The following SERGEF variants were observed in gnomAD, a reference collection of about 807,000 sequenced individuals.
SERGEF encodes secretion-regulating guanine nucleotide exchange factor.
In SERGEF, 51 loss-of-function variants were observed where a neutral mutation model predicts 50.0. The ratio of observed to expected loss-of-function variants is 1.02; its 90% CI spans 0.81 to 1.29. The LOEUF (loss-of-function observed/expected upper bound fraction) is 1.29. Among genes scored for constraint, SERGEF ranks in the 50% most tolerant of loss-of-function variants. The probability of loss-of-function intolerance (pLI) is 0.00; values close to 1 mark genes in which losing one functional copy is unlikely to be tolerated. For missense variants in SERGEF, 521 were observed against 557.0 expected (o/e 0.94, Z 0.65); for synonymous variants, 205 against 212.4 (o/e 0.97, Z 0.30).
intron 10 of SERGEF, chr11:17,854,766 T>C (rs1035481300): frequency 6.6e-6 from 1 of 152,240 alleles, no homozygotes; most frequent in African/African-American, 2.4e-5. Flanking sequence ...AATTCTTATT[T>C]TAGTAGAATA....
At chr11:17,860,011 A>G (rs1288904859) in intron 10 of SERGEF, among the ~76,000 whole-genome samples, 1 of 152,228 alleles carries the variant, frequency 6.6e-6, no homozygotes, top group Admixed American at 6.5e-5. Flanking sequence ...GGGAAATGGT[A>G]TAGAGAAGTC....
intron 10 of SERGEF, among the ~76,000 whole-genome samples, chr11:17,873,275 T>C (rs513010): frequency 0.42 from 63,542 of 151,914 alleles, 13,810 homozygotes; most frequent in East Asian, 0.75. Context: ...TTCCCGTACC[T>C]AGAAGATGGG....
chr11:17,983,714 C>T (rs1039649134), intron 8 of SERGEF, among the ~76,000 whole-genome samples: 4 of 119,938 alleles, frequency 3.3e-5, no homozygotes, highest in Admixed American at 9.8e-5. Context: ...AAAAAGAGCA[C>T]AAAAGAGAGG....
chr11:17,936,725 T>G (rs1299228383), intron 9 of SERGEF, among the ~76,000 whole-genome samples: 1 of 152,204 alleles, frequency 6.6e-6, no homozygotes. Context: ...GGGTTAAGGA[T>G]GCCAAGAGTA....
intron 10 of SERGEF, among the ~76,000 whole-genome samples, chr11:17,832,130 G>A (rs765951198): frequency 2.6e-5 from 4 of 152,206 alleles, no homozygotes; most frequent in Non-Finnish European, 4.4e-5. Flanking sequence ...TGTGTGAGAT[G>A]GCGATATGGT....
intron 9 of SERGEF, among the ~76,000 whole-genome samples, chr11:17,912,021 G>A (rs1473670236): frequency 6.6e-6 from 1 of 152,102 alleles, no homozygotes; most frequent in African/African-American, 2.4e-5. Context: ...ACTAGAGAGG[G>A]GCTTGGTAAG....
chr11:17,799,558 C>T (rs1294760467), intron 10 of SERGEF, among the ~76,000 whole-genome samples: 1 of 152,198 alleles, frequency 6.6e-6, no homozygotes, highest in East Asian at 1.9e-4. Flanking sequence ...GCCTGGTCAC[C>T]ACCAGAGCCT....
At chr11:17,972,065 C>G (rs1042844705) in intron 8 of SERGEF, among the ~76,000 whole-genome samples, 1 of 152,204 alleles carries the variant, frequency 6.6e-6, no homozygotes, top group Non-Finnish European at 1.5e-5. Flanking sequence ...ATCTCATGAT[C>G]AAACTTGTAG....
chr11:17,875,459 G>A (rs534482835), intron 10 of SERGEF, among the ~76,000 whole-genome samples: 56 of 152,334 alleles, frequency 3.7e-4, no homozygotes, highest in African/African-American at 1.3e-3. Flanking sequence ...GGATTTGAGC[G>A]TTGCCTCCCT....
At chr11:17,974,157 C>T (rs1853317857) in intron 8 of SERGEF, among the ~76,000 whole-genome samples, 1 of 152,188 alleles carries the variant, frequency 6.6e-6, no homozygotes, top group East Asian at 1.9e-4. Context: ...TTCCCTTCCA[C>T]ATCTACTAAT....
In SERGEF at chr11:17,877,910, T is replaced by C. The variant is rs555192391; in HGVS notation, c.1048+298A>G. On this transcript the variant is annotated intron_variant, in intron 10 of 10. Coordinates refer to ENST00000265965, the MANE Select transcript of SERGEF (RefSeq NM_012139.4). ...TCCAATCATTCTTCCTTTTTATGTC[T>C]GGCTTTCTACACATGGTGCCCCTCA... The C allele has an allele frequency of 2.2e-5, 6 of 272,726 alleles. No homozygotes were observed. In the South Asian group the frequency reaches 5.8e-4, roughly 26 times the overall value. The allele number at this position is 272,726 out of a possible 1,614,324, so 16.9% of individuals were successfully genotyped here.
intron 10 of SERGEF, among the ~76,000 whole-genome samples, chr11:17,821,669 C>T (rs549764943): frequency 2.0e-5 from 3 of 152,322 alleles, no homozygotes; most frequent in Admixed American, 1.3e-4. Flanking sequence ...TGAGATATCA[C>T]CTCTTCTCTG....
At chr11:17,901,406 T>C (rs900357464) in intron 9 of SERGEF, among the ~76,000 whole-genome samples, 4 of 152,242 alleles carry the variant, frequency 2.6e-5, no homozygotes, top group Non-Finnish European at 5.9e-5. Context: ...CCTGAGCCTA[T>C]AGAACAAACC....
intron 9 of SERGEF, among the ~76,000 whole-genome samples, chr11:17,957,753 AG>A (rs1414020498): frequency 1.3e-5 from 2 of 151,848 alleles, no homozygotes; most frequent in Non-Finnish European, 2.9e-5. Flanking sequence ...AAAAAAAAAA[AG>A]GATGATCTAA....
intron 9 of SERGEF, among the ~76,000 whole-genome samples, chr11:17,936,806 T>C (rs940154864): frequency 5.3e-5 from 8 of 152,226 alleles, no homozygotes; most frequent in African/African-American, 1.9e-4. Flanking sequence ...CATCTGCCCC[T>C]ATACTGGTGA....
chr11:17,848,880 A>T (rs1850664351), intron 10 of SERGEF, among the ~76,000 whole-genome samples: 1 of 152,192 alleles, frequency 6.6e-6, no homozygotes, highest in African/African-American at 2.4e-5. Flanking sequence ...TGTTTTTATA[A>T]ATGAGGAGAT....
intron 8 of SERGEF, among the ~76,000 whole-genome samples, chr11:17,988,149 A>C (rs1397792897): frequency 1.3e-5 from 2 of 152,252 alleles, no homozygotes; most frequent in Non-Finnish European, 2.9e-5. Flanking sequence ...TTAGGTCAAC[A>C]AAAGTTTAAA....
chr11:18,002,827 G>A (rs1378528313), intron 4 of SERGEF, among the ~76,000 whole-genome samples: 20 of 152,160 alleles, frequency 1.3e-4, no homozygotes, highest in Non-Finnish European at 1.5e-5. Context: ...TTAAATAAAT[G>A]AATGAATTTC....
At chr11:17,872,433 T>C (rs1056195281) in intron 10 of SERGEF, among the ~76,000 whole-genome samples, 22 of 152,202 alleles carry the variant, frequency 1.4e-4, no homozygotes, top group African/African-American at 5.3e-4. Context: ...AAACAAAAGC[T>C]ACCCTGAGTA....
Sources: allele counts gnomAD v4.1 joint callset (sites outside exome capture counted in the v4.1 genomes callset), GRCh38; gene constraint gnomAD v4.1.1; transcripts MANE v1.5; gene names NCBI Gene and HGNC (gene_info 2026-07-23, HGNC 2026-07-21).